The following COL22A1 variants were observed in gnomAD, a reference collection of about 807,000 sequenced individuals.
The protein encoded by COL22A1 is collagen type XXII alpha 1 chain.
Under a neutral mutation model 248.9 loss-of-function variants are expected in COL22A1, and 221 were observed. The ratio of observed to expected loss-of-function variants is 0.89; its 90% CI spans 0.80 to 0.99. The LOEUF is 0.99. COL22A1 is among the 50% of genes least tolerant of loss of function. The pLI, the probability that COL22A1 is intolerant of heterozygous loss-of-function variation, is 0.00. For synonymous variants in COL22A1, 891 were observed against 793.4 expected (o/e 1.12, Z -2.07); for missense variants, 2,240 against 2,179.0 (o/e 1.03, Z -0.56).
intron 1 of COL22A1, among the ~76,000 whole-genome samples, chr8:138,907,444 A>T (rs1815115034): frequency 6.6e-6 from 1 of 152,248 alleles, no homozygotes; most frequent in South Asian, 2.1e-4. Context: ...GGACTACTGC[A>T]ATCCAACCTT....
At chr8:138,676,782 G>T (rs934024370) in intron 40 of COL22A1, 147 bp from the exon 41 acceptor site, 6 of 611,860 alleles carry the variant, frequency 9.8e-6, no homozygotes, top group Non-Finnish European at 1.7e-5. Flanking sequence ...GTCTACCCAG[G>T]CAGCCCATCA....
chr8:138,821,535 C>G (rs1195633006), intron 6 of COL22A1, 124 bp from the exon 7 acceptor site: 1 of 973,992 alleles, frequency 1.0e-6, no homozygotes, highest in Non-Finnish European at 1.6e-6. Context: ...TGACTCTTAC[C>G]AGCTGGTCAC....
At chr8:138,597,294 C>T (rs1817624813) in intron 61 of COL22A1, among the ~76,000 whole-genome samples, 1 of 152,186 alleles carries the variant, frequency 6.6e-6, no homozygotes, top group Non-Finnish European at 1.5e-5. Context: ...ATATTCCCTT[C>T]TTCGCACTGG....
At chr8:138,788,129 C>A (rs1446660497) in intron 12 of COL22A1, among the ~76,000 whole-genome samples, 2 of 152,172 alleles carry the variant, frequency 1.3e-5, no homozygotes, top group African/African-American at 4.8e-5. Context: ...AGGCCAGCTG[C>A]ATCAACCTCA....
intron 57 of COL22A1, among the ~76,000 whole-genome samples, chr8:138,607,541 C>T (rs777786790): frequency 1.3e-5 from 2 of 151,806 alleles, no homozygotes; most frequent in Non-Finnish European, 2.9e-5. Flanking sequence ...CTCCCACCCC[C>T]GTCCCTACCT....
chr8:138,817,042 T>G (rs1233176503), intron 7 of COL22A1, among the ~76,000 whole-genome samples: 1 of 152,222 alleles, frequency 6.6e-6, no homozygotes, highest in Non-Finnish European at 1.5e-5. Flanking sequence ...CTGACAGGTG[T>G]GAGTTTCCAC....
intron 37 of COL22A1, among the ~76,000 whole-genome samples, chr8:138,688,278 T>C (rs2130875787): frequency 6.6e-6 from 1 of 152,048 alleles, no homozygotes; most frequent in South Asian, 2.1e-4. Flanking sequence ...CCCAGCACTT[T>C]GGGAGGCCAA....
chr8:138,621,416 T>C (rs1163068879), intron 52 of COL22A1, among the ~76,000 whole-genome samples: 4 of 152,140 alleles, frequency 2.6e-5, no homozygotes, highest in Admixed American at 2.6e-4. Flanking sequence ...TCTGTTCCAT[T>C]CTCTTCCTCC....
chr8:138,857,553 C>T (rs1021288160), intron 3 of COL22A1, among the ~76,000 whole-genome samples: 13 of 152,322 alleles, frequency 8.5e-5, no homozygotes, highest in Non-Finnish European at 1.5e-4. Context: ...TGACTCTGCC[C>T]ACCATGTCCA....
intron 30 of COL22A1, among the ~76,000 whole-genome samples, chr8:138,710,594 TCTA>T (rs1563649174): frequency 0.013 from 599 of 47,394 alleles, 5 homozygotes; most frequent in South Asian, 0.048. Context: ...CCATAATCTA[TCTA>T]TCTATCTATC....
chr8:138,857,449 G>A lies in COL22A1; in HGVS notation c.659-13291C>T, dbSNP rs558405955. ...CACGGCTGACCTGGCCCCCGAGGCC[G>A]ATCCATGCCCAGGCACCTATGGTCT... On this transcript the variant is annotated intron_variant, in intron 3 of 64. Coordinates refer to ENST00000303045, the MANE Select transcript of COL22A1 (RefSeq NM_152888.3). 1.6e-4 allele frequency among the ~76,000 whole-genome samples: 24 copies of A among 152,290 alleles called. No homozygotes were observed. In the South Asian group the frequency reaches 4.2e-3, roughly 26 times the overall value.
intron 12 of COL22A1, among the ~76,000 whole-genome samples, chr8:138,795,528 G>GACACACACACACACACACACACACACAC (rs6150850): frequency 1.6e-4 from 23 of 144,874 alleles, no homozygotes; most frequent in African/African-American, 5.7e-4. Flanking sequence ...CTCTCTTTCA[G>GACACACACACACACACACACACACACAC]ACACACACAC....
chr8:138,636,709 G>C, intron 48 of COL22A1, 33 bp downstream of exon 48: 1 of 1,545,492 alleles, frequency 6.5e-7, no homozygotes, highest in Admixed American at 1.7e-5. Context: ...TCCTTCCTCA[G>C]GGTGAATGGT....
chr8:138,616,190 C>T (rs1454470437), intron 54 of COL22A1, 136 bp from the exon 55 acceptor site: 10 of 744,780 alleles, frequency 1.3e-5, no homozygotes, highest in Admixed American at 2.1e-5. Flanking sequence ...AGAGCCCCAG[C>T]CCTGAGTTGA....
chr8:138,854,304 C>T (rs2131918444), intron 3 of COL22A1, among the ~76,000 whole-genome samples: 1 of 152,296 alleles, frequency 6.6e-6, no homozygotes, highest in South Asian at 2.1e-4. Context: ...CCTAAGTAGG[C>T]CACAGGGAAC....
intron 31 of COL22A1, 152 bp downstream of exon 31, chr8:138,703,154 T>C: frequency 1.6e-6 from 1 of 643,938 alleles, no homozygotes; most frequent in Non-Finnish European, 2.8e-6. Context: ...GTGTATATAT[T>C]TTTGGTTTGT....
intron 4 of COL22A1, among the ~76,000 whole-genome samples, chr8:138,839,343 G>C (rs566275808): frequency 1.3e-5 from 2 of 152,118 alleles, no homozygotes; most frequent in African/African-American, 2.4e-5. Flanking sequence ...GGCTGGTGCC[G>C]GTCAGGCTGG....
chr8:138,747,845 T>C (rs938675968), intron 22 of COL22A1, among the ~76,000 whole-genome samples: 9 of 151,334 alleles, frequency 5.9e-5, no homozygotes, highest in African/African-American at 2.2e-4. Context: ...TAAAAGCAAG[T>C]AAAAGAAAAA....
chr8:138,602,405 CCA>C (rs569934656), intron 59 of COL22A1, among the ~76,000 whole-genome samples: 49 of 152,306 alleles, frequency 3.2e-4, no homozygotes, highest in Admixed American at 1.6e-3. Context: ...GTTGGCCCCT[CCA>C]GATTCCTCCC....
Sources: gnomAD v4.1 joint callset for allele counts (sites outside exome capture counted in the v4.1 genomes callset) on GRCh38, gnomAD v4.1.1 for gene constraint, MANE v1.5 for transcripts, NCBI Gene and HGNC (gene_info 2026-07-23, HGNC 2026-07-21) for gene names.